Variants in GALNT18 observed in about 807,000 individuals in gnomAD.
GALNT18 encodes the protein polypeptide N-acetylgalactosaminyltransferase 18, also known as GalNAc-transferase 18.
Under a neutral mutation model 69.5 loss-of-function variants are expected in GALNT18, and 44 were observed. The observed-to-expected ratio is 0.63, with a 90% confidence interval of 0.50 to 0.81. The LOEUF (loss-of-function observed/expected upper bound fraction) is 0.81. GALNT18 is among the 40% of genes least tolerant of loss of function. GALNT18 has a pLI of 0.00. For missense variants in GALNT18, 715 were observed against 810.0 expected, an observed-to-expected ratio of 0.88 and a Z score of 1.42; for synonymous variants, 364 against 318.2, an observed-to-expected ratio of 1.14 and a Z score of -1.53.
In GALNT18 at chr11:11,600,125, A is replaced by AT. The variant is rs141290404; in HGVS notation, c.235+21233dup. On this transcript the variant is annotated intron_variant, in intron 1 of 10. Coordinates refer to ENST00000227756, the MANE Select transcript of GALNT18 (RefSeq NM_198516.3). The surrounding 1 kb of genome is among the most constrained non-coding windows in gnomAD (Gnocchi z 4.8). ...TAAGCTCAGCAGTACAATAATTTGC[A>AT]TTTTTATGCAATTCCTTTCTAAATC... Among the ~76,000 whole-genome samples the AT allele has an allele frequency of 0.012, 1,891 of 152,178 alleles. 47 individuals are homozygous for AT. The highest frequency in any genetic ancestry group is 0.044 in the African/African-American group (1,810 of 41,542).
chr11:11,552,542 G>A (rs1321121758), intron 1 of GALNT18, among the ~76,000 whole-genome samples: 2 of 152,022 alleles, frequency 1.3e-5, no homozygotes, highest in East Asian at 3.9e-4. Flanking sequence ...TCCCAGCCCA[G>A]CTTCCTAATG....
chr11:11,334,896 A>G (rs927027126), intron 7 of GALNT18, among the ~76,000 whole-genome samples: 23 of 152,244 alleles, frequency 1.5e-4, no homozygotes, highest in Non-Finnish European at 1.8e-4. Flanking sequence ...GAAGTGGTGA[A>G]CACAGGAACT....
chr11:11,294,872 C>T (rs1156738740), intron 9 of GALNT18, among the ~76,000 whole-genome samples: 6 of 152,202 alleles, frequency 3.9e-5, no homozygotes, highest in Non-Finnish European at 8.8e-5. Context: ...ATCACTAGTG[C>T]TCCCCTGCCC....
chr11:11,386,899 C>T (rs564108690), intron 3 of GALNT18, among the ~76,000 whole-genome samples: 4 of 152,266 alleles, frequency 2.6e-5, no homozygotes, highest in East Asian at 1.9e-4. Context: ...TTGTTGAAAT[C>T]GCAGGCTCCA....
Position 11,602,220 on chromosome 11 carries a change from C to G in GALNT18, c.235+19139G>C, listed in dbSNP as rs1348814288. 2.0e-5 allele frequency among the ~76,000 whole-genome samples: 3 copies of G among 152,200 alleles called. No individual in the cohort carries two copies. Among genetic ancestry groups the G allele is most frequent in the Admixed American group, 6.5e-5 (1 of 15,284 alleles). On this transcript the variant is annotated intron_variant, in intron 1 of 10. Coordinates refer to ENST00000227756, the MANE Select transcript of GALNT18 (RefSeq NM_198516.3). This position sits in a 1 kb window ranked among gnomAD's most constrained non-coding sequence, Gnocchi z 4.7. ...GGGTGCTGGGTGGAGATGGTAGTCA[C>G]TGATCTTCTTGAATTGTCTCTCCTG...
At chr11:11,375,130 A>G (rs1853715460) in intron 5 of GALNT18, among the ~76,000 whole-genome samples, 1 of 152,212 alleles carries the variant, frequency 6.6e-6, no homozygotes, top group Non-Finnish European at 1.5e-5. Context: ...GGCTCTTTTT[A>G]TGACTTACAC....
intron 1 of GALNT18, among the ~76,000 whole-genome samples, chr11:11,488,334 C>T (rs1448562417): frequency 6.6e-6 from 1 of 152,082 alleles, no homozygotes. Flanking sequence ...TCGGGGTCCT[C>T]TTCGTCTGTC....
intron 1 of GALNT18, among the ~76,000 whole-genome samples, chr11:11,467,719 C>A (rs1856182328): frequency 6.6e-6 from 1 of 152,204 alleles, no homozygotes; most frequent in African/African-American, 2.4e-5. Context: ...ATTAAGAATG[C>A]TCAGGCCCAA....
At chr11:11,323,043 T>C (rs111652887) in intron 9 of GALNT18, among the ~76,000 whole-genome samples, 4 of 152,178 alleles carry the variant, frequency 2.6e-5, no homozygotes, top group African/African-American at 9.7e-5. Flanking sequence ...TCACTTGAAA[T>C]ACTACCAGGG....
At chr11:11,464,064 G>A (rs945113308) in intron 1 of GALNT18, among the ~76,000 whole-genome samples, 6 of 152,286 alleles carry the variant, frequency 3.9e-5, no homozygotes, top group East Asian at 1.9e-4. Context: ...GAAACTGCAC[G>A]TCCAAGATGT....
rs1859255901 is a variant in GALNT18 at position 11,587,543 on chromosome 11, C to G, written c.235+33816G>C. 6.6e-6 allele frequency among the ~76,000 whole-genome samples: 1 copy of G among 152,210 alleles called. No individual in the cohort carries two copies. The highest frequency in any genetic ancestry group is 1.5e-5 in the Non-Finnish European group (1 of 68,040). Reference sequence around the variant, plus strand: ...TCAGCCTAGGATTTGAATACAGGAGCTTTGCAAGACCATCAGTAGTCAAGC... The same window carrying G: ...TCAGCCTAGGATTTGAATACAGGAGGTTTGCAAGACCATCAGTAGTCAAGC... On this transcript the variant is annotated intron_variant, in intron 1 of 10. Transcript: ENST00000227756. This position sits in a 1 kb window ranked among gnomAD's most constrained non-coding sequence, Gnocchi z 4.4.
At chr11:11,478,510 C>T (rs1856450057) in intron 1 of GALNT18, among the ~76,000 whole-genome samples, 1 of 152,190 alleles carries the variant, frequency 6.6e-6, no homozygotes, top group Admixed American at 6.5e-5. Flanking sequence ...CAAACGGCAG[C>T]ACCGAGGCAG....
chr11:11,366,471 T>A (rs1850771959), intron 6 of GALNT18, among the ~76,000 whole-genome samples: 1 of 152,222 alleles, frequency 6.6e-6, no homozygotes, highest in East Asian at 1.9e-4. Context: ...TTATCTTTAC[T>A]GTTAAAAATA....
Position 11,439,992 on chromosome 11 carries a change from G to A in GALNT18, c.429-7205C>T, listed in dbSNP as rs1361769807. Among the ~76,000 whole-genome samples the A allele has an allele frequency of 6.6e-6, 1 of 152,176 alleles. No individual in the cohort carries two copies. The highest frequency in any genetic ancestry group is 1.5e-5 in the Non-Finnish European group (1 of 68,044). On this transcript the variant is annotated intron_variant, in intron 2 of 10. Transcript: ENST00000227756. This position sits in a 1 kb window ranked among gnomAD's most constrained non-coding sequence, Gnocchi z 4.4. ...AGAGACAATGGACATCTGCGAACTG[G>A]GAGTTCTGCAATGCAGGAGAAATCG...
chr11:11,307,206 T>TG (rs1204866911), intron 9 of GALNT18, among the ~76,000 whole-genome samples: 1 of 152,202 alleles, frequency 6.6e-6, no homozygotes, highest in African/African-American at 2.4e-5. Context: ...TACCAAATTT[T>TG]GGGGTAGTTT....
At chr11:11,579,188 T>C (rs529334529) in intron 1 of GALNT18, among the ~76,000 whole-genome samples, 41 of 152,272 alleles carry the variant, frequency 2.7e-4, no homozygotes, top group Admixed American at 9.8e-4. Flanking sequence ...GTGGCGGTGA[T>C]GGCAAAGGAA....
chr11:11,573,673 GAGAA>G lies in GALNT18; in HGVS notation c.235+47682_235+47685del, dbSNP rs1017517851. On this transcript the variant is annotated intron_variant, in intron 1 of 10. Transcript: ENST00000227756. This position sits in a 1 kb window ranked among gnomAD's most constrained non-coding sequence, Gnocchi z 4.6. ...TAGAAAACAGCAGGATCTCCGAGGA[GAGAA>G]AGAATTTCTCTCCAGCCAAAAGCTT... 1 of 152,190 alleles carries G rather than the reference GAGAA, an allele frequency of 6.6e-6. No individual in the cohort carries two copies. Among genetic ancestry groups the G allele is most frequent in the Non-Finnish European group, 1.5e-5 (1 of 68,054 alleles). 9.4% of individuals were successfully genotyped at this position (152,190 alleles called of 1,614,324 possible).
At chr11:11,331,552 A>G (rs1483905578) in intron 8 of GALNT18, among the ~76,000 whole-genome samples, 1 of 152,176 alleles carries the variant, frequency 6.6e-6, no homozygotes, top group Admixed American at 6.5e-5. Flanking sequence ...AGCTTTAACC[A>G]CAGCTAATCA....
In GALNT18 at chr11:11,586,234, T is replaced by C. The variant is rs1859221675; in HGVS notation, c.235+35125A>G. Among the ~76,000 whole-genome samples the C allele has an allele frequency of 1.3e-5, 2 of 152,214 alleles. No individual in the cohort carries two copies. Among genetic ancestry groups the C allele is most frequent in the African/African-American group, 4.8e-5 (2 of 41,458 alleles). ...TGTACCAAGAGTCTGTAGTTCTTTT[T>C]CACAAAAAGTGTGCTACTTATGTTA... On this transcript the variant is annotated intron_variant, in intron 1 of 10. Transcript: ENST00000227756. This position sits in a 1 kb window ranked among gnomAD's most constrained non-coding sequence, Gnocchi z 4.1.
Sources: allele counts gnomAD v4.1 joint callset (sites outside exome capture counted in the v4.1 genomes callset), GRCh38; gene constraint gnomAD v4.1.1; non-coding constraint Gnocchi (gnomAD v3.1); transcripts MANE v1.5; gene names NCBI Gene and HGNC (gene_info 2026-07-23, HGNC 2026-07-21).